The following MAPT variants were observed in gnomAD, a reference collection of about 807,000 sequenced individuals.
The protein encoded by MAPT is microtubule-associated protein tau.
A neutral mutation model predicts 67.9 loss-of-function variants in MAPT; 34 were observed. The ratio of observed to expected loss-of-function variants is 0.50; its 90% CI spans 0.38 to 0.67. The LOEUF is 0.67. Among genes scored for constraint, MAPT ranks in the 30% least tolerant of loss-of-function variants. The pLI, the probability that MAPT is intolerant of heterozygous loss-of-function variation, is 0.00. For missense variants in MAPT, 881 were observed against 1,115.2 expected (o/e 0.79, Z 2.99); for synonymous variants, 456 against 464.5 (o/e 0.98, Z 0.23).
rs886053030 is a variant in MAPT, at chr17:45,978,375, C to G, written c.221C>G (p.Ala74Gly). ...SDAKSTPTAE[A>G]EEAGIGDTPS... ...CTTCATTTGCTGACACATACACCAG[C>G]TGAAGAAGCAGGCATTGGAGACACC... The change falls in exon 4 of 13, where the codon GCT becomes GGT. Residue 74 changes from alanine (A) to glycine (G), a missense_variant and splice_region_variant. Around this residue, in one of 6 missense-constraint regions of MAPT, gnomAD observed 687 missense variants for 766.1 expected, o/e 0.90. Transcript: ENST00000262410. 6.2e-7 allele frequency: 1 copy of G among 1,613,346 alleles called. No homozygotes were observed. Among genetic ancestry groups the G allele is most frequent in the Admixed American group, 1.7e-5 (1 of 60,010 alleles).
At chr17:45,965,087 G>T (rs1483253843) in intron 2 of MAPT, among the ~76,000 whole-genome samples, 2 of 151,996 alleles carry the variant, frequency 1.3e-5, no homozygotes, top group Non-Finnish European at 2.9e-5. Context: ...TGGGACTGGG[G>T]TGTGGGTGTC....
intron 3 of MAPT, chr17:45,977,821 G>A: frequency 6.4e-6 from 1 of 157,040 alleles, no homozygotes; most frequent in Admixed American, 6.1e-5. Flanking sequence ...GGCTAAACGT[G>A]TTCACACAAA....
At chr17:45,945,875 G>A (rs1027208386) in intron 1 of MAPT, among the ~76,000 whole-genome samples, 6 of 152,148 alleles carry the variant, frequency 3.9e-5, no homozygotes, top group Non-Finnish European at 8.8e-5. Context: ...AATAAAGTAG[G>A]CTGCAGAACA....
intron 2 of MAPT, among the ~76,000 whole-genome samples, chr17:45,966,698 A>G (rs892740973): frequency 6.6e-6 from 1 of 152,240 alleles, no homozygotes; most frequent in Non-Finnish European, 1.5e-5. Flanking sequence ...TCACCAAGTT[A>G]GTGTTTGAGT....
intron 1 of MAPT, among the ~76,000 whole-genome samples, chr17:45,953,345 A>G (rs1000224021): frequency 6.6e-5 from 10 of 152,202 alleles, no homozygotes; most frequent in African/African-American, 2.4e-4. Flanking sequence ...CTTTCTTAAC[A>G]TGGCAGGTAG....
intron 1 of MAPT, among the ~76,000 whole-genome samples, chr17:45,926,939 ATATATATACATATATG>A (rs2066370766): frequency 2.8e-5 from 3 of 107,896 alleles, no homozygotes; most frequent in Non-Finnish European, 7.7e-5. Context: ...ATATATACAC[ATATATATACATATATG>A]TGTATATATA....
Position 46,026,079 on chromosome 17 carries a change from TAG to T in MAPT, c.*1909_*1910del, listed in dbSNP as rs71760839. ...CTTGGATTCACCAGAGTGACTATGA[TAG>T]TGAAAAGAAAAAAAAAAAAAAAAAA... On this transcript the variant is annotated 3_prime_UTR_variant, in exon 13 of 13. Coordinates refer to ENST00000262410, the MANE Select transcript of MAPT (RefSeq NM_001377265.1). The T allele has an allele frequency of 0.15, 20,578 of 137,438 alleles. 1,726 individuals carry two copies. Among genetic ancestry groups the T allele is most frequent in the East Asian group, 0.46 (2,206 of 4,786 alleles). The allele number at this position is 137,438 out of a possible 1,614,324, so 8.5% of individuals were successfully genotyped here. A position where few individuals can be genotyped will look rare whatever the true frequency, so the allele number is the denominator to read the frequency against.
intron 11 of MAPT, among the ~76,000 whole-genome samples, chr17:46,014,738 G>A (rs965019294): frequency 2.0e-5 from 3 of 152,180 alleles, no homozygotes; most frequent in Admixed American, 1.3e-4. Context: ...GCCGGGCGTG[G>A]TGGTGGGCGC....
intron 1 of MAPT, among the ~76,000 whole-genome samples, chr17:45,960,381 C>G (rs572043889): frequency 6.6e-6 from 1 of 152,240 alleles, no homozygotes; most frequent in East Asian, 1.9e-4. Flanking sequence ...GCCTCACTCC[C>G]GTACAGCCCC....
At chr17:45,918,726 A>C (rs2065416812) in intron 1 of MAPT, among the ~76,000 whole-genome samples, 1 of 152,212 alleles carries the variant, frequency 6.6e-6, no homozygotes, top group Non-Finnish European at 1.5e-5. Flanking sequence ...ATAAAGACCT[A>C]CCTGAGACTG....
In MAPT at chr17:45,995,347, C is replaced by T. The variant is rs1040548261; in HGVS notation, c.1733-1052C>T. Among the ~76,000 whole-genome samples, 1 of 152,194 alleles carries T rather than the reference C, an allele frequency of 6.6e-6. No homozygotes were observed. The highest frequency in any genetic ancestry group is 1.5e-5 in the Non-Finnish European group (1 of 68,040). On this transcript the variant is annotated intron_variant, in intron 8 of 12. Transcript: ENST00000262410. The surrounding 1 kb of genome is among the most constrained non-coding windows in gnomAD (Gnocchi z 4.3). ...TTTGTGGAGCTTGAGAAAAATGAGG[C>T]TTTGCAGGTCCCACCCCTAGAGATT...
At chr17:45,968,960 C>G (rs1396058659) in intron 2 of MAPT, among the ~76,000 whole-genome samples, 2 of 152,198 alleles carry the variant, frequency 1.3e-5, no homozygotes, top group East Asian at 3.8e-4. Flanking sequence ...AAAACTGAGG[C>G]AGAGAGAGGT....
At chr17:46,003,099 CGTGT>C (rs72293848) in intron 9 of MAPT, among the ~76,000 whole-genome samples, 20 of 145,328 alleles carry the variant, frequency 1.4e-4, no homozygotes, top group Admixed American at 5.5e-4. Context: ...TTTTTAAGGG[CGTGT>C]GTGTGTGTGT....
intron 1 of MAPT, among the ~76,000 whole-genome samples, chr17:45,934,701 G>A (rs890707898): frequency 6.6e-6 from 1 of 152,190 alleles, no homozygotes; most frequent in African/African-American, 2.4e-5. Context: ...TGTCTGAGAT[G>A]GTGGTGCAGC....
chr17:45,986,070 C>T (rs1230413665), intron 5 of MAPT, among the ~76,000 whole-genome samples: 1 of 152,224 alleles, frequency 6.6e-6, no homozygotes, highest in African/African-American at 2.4e-5. Flanking sequence ...TGCTGGCTGA[C>T]AGGTCAGCGG....
rs188178087 is a variant in MAPT, at chr17:45,943,209, G to A, written c.-17-19112G>A. ...GCTGGGATTATAGATGTGCACCATCGTGCCTAGCTAAATTTTTGTACTTTT... is the reference window on the plus strand; with the variant it reads ...GCTGGGATTATAGATGTGCACCATCATGCCTAGCTAAATTTTTGTACTTTT... On this transcript the variant is annotated intron_variant, in intron 1 of 12. Transcript: ENST00000262410. Among the ~76,000 whole-genome samples the A allele has an allele frequency of 2.0e-3, 306 of 152,196 alleles. 1 individual carries two copies. Among genetic ancestry groups the A allele is most frequent in the Non-Finnish European group, 3.2e-3 (217 of 68,000 alleles).
rs1263653688 is a variant in MAPT, at chr17:45,971,878, C to A, written c.153C>A (p.Pro51=). ...TTCCAGAATCTCCCCTGCAGACCCC[C>A]ACTGAGGACGGATCTGAGGAACCGG... ...AGLKESPLQT[P]TEDGSEEPGS... Residue 51 remains proline, a synonymous_variant, in exon 3 of 13, where the codon CCC becomes CCA. Coordinates refer to ENST00000262410, the MANE Select transcript of MAPT (RefSeq NM_001377265.1). The surrounding 1 kb of genome is among the most constrained non-coding windows in gnomAD (Gnocchi z 4.3). The A allele has an allele frequency of 3.7e-6, 6 of 1,613,814 alleles. No individual in the cohort carries two copies. The highest frequency in any genetic ancestry group is 1.7e-5 in the Admixed American group (1 of 60,034).
chr17:46,008,224 G>C (rs1029825690), intron 9 of MAPT, among the ~76,000 whole-genome samples: 1 of 152,196 alleles, frequency 6.6e-6, no homozygotes, highest in Admixed American at 6.5e-5. Flanking sequence ...AACCTCCCGA[G>C]TAGCTGGGTT....
chr17:45,962,450 A>G lies in MAPT; in HGVS notation c.113A>G (p.Asp38Gly), dbSNP rs1198505498. 1 of 1,612,764 alleles carries G rather than the reference A, an allele frequency of 6.2e-7. No homozygotes were observed. Among genetic ancestry groups the G allele is most frequent in the Admixed American group, 1.7e-5 (1 of 59,980 alleles). ...ACCATGCACCAAGACCAAGAGGGTG[A>G]CACGGACGCTGGCCTGAAAGGTTAG... ...GYTMHQDQEG[D>G]TDAGLKESPL... Residue 38 changes from aspartate (D) to glycine (G), a missense_variant, in exon 2 of 13, where the codon GAC becomes GGC. Physicochemically the swap from Asp to Gly is moderately conservative, Grantham distance 94. Transcript: ENST00000262410.
Sources: gnomAD v4.1 joint callset for allele counts (sites outside exome capture counted in the v4.1 genomes callset) on GRCh38, gnomAD v4.1.1 for gene constraint, gnomAD v4.1.1 regional missense constraint, Gnocchi (gnomAD v3.1) non-coding constraint, MANE v1.5 for transcripts, NCBI Gene and HGNC (gene_info 2026-07-23, HGNC 2026-07-21) for gene names.